The following SPTBN1 variants were observed in gnomAD, a reference collection of about 807,000 sequenced individuals.
SPTBN1 encodes spectrin beta, non-erythrocytic 1.
Under a neutral mutation model 266.4 loss-of-function variants are expected in SPTBN1, and 32 were observed. The observed-to-expected ratio is 0.12, with a 90% CI of 0.09 to 0.16. The LOEUF is 0.16. SPTBN1 is among the 10% of genes least tolerant of loss of function. The probability of loss-of-function intolerance (pLI) is 1.00; values close to 1 mark genes in which losing one functional copy is unlikely to be tolerated. For synonymous variants in SPTBN1, 1,336 were observed against 1,162.2 expected, an observed-to-expected ratio of 1.15 and a Z score of -3.04; for missense variants, 2,296 against 3,067.1, an observed-to-expected ratio of 0.75 and a Z score of 5.94.
intron 17 of SPTBN1, among the ~76,000 whole-genome samples, chr2:54,633,808 G>A (rs1678928476): frequency 1.3e-5 from 2 of 152,166 alleles, no homozygotes; most frequent in African/African-American, 4.8e-5. Flanking sequence ...TAAGATGGGT[G>A]GAGAGGGGAT....
chr2:54,631,546 C>G lies in SPTBN1; in HGVS notation c.3499C>G (p.Gln1167Glu), dbSNP rs1417498335. ...GGAGAACAGACAAAATCTCCTATCC[C>G]AGTCACATGCCTACCAGCAGTTCCT... ...MWENRQNLLSQSHAYQQFLRD... is the reference protein window; with the variant it reads ...MWENRQNLLSESHAYQQFLRD... Residue 1167 changes from glutamine (Q) to glutamate (E), a missense_variant, in exon 16 of 36, where the codon CAG (glutamine) becomes GAG (glutamate). Coordinates refer to ENST00000356805, the MANE Select transcript of SPTBN1 (RefSeq NM_003128.3). 1.9e-6 allele frequency: 3 copies of G among 1,614,046 alleles called. No individual in the cohort carries two copies. In the South Asian group the frequency reaches 3.3e-5, roughly 18 times the overall value.
chr2:54,487,832 C>CTTTTTTT lies in SPTBN1; in HGVS notation c.-48+31323_-48+31329dup, dbSNP rs70944169. 7.5e-3 allele frequency among the ~76,000 whole-genome samples: 516 copies of CTTTTTTT among 68,594 alleles called. 87 individuals are homozygous for CTTTTTTT. The highest frequency in any genetic ancestry group is 0.026 in the African/African-American group (469 of 18,108). The allele number at this position is 68,594 out of a possible 152,430, so 45.0% of individuals were successfully genotyped here. A position where few individuals can be genotyped will look rare whatever the true frequency, so the allele number is the denominator to read the frequency against. ...TTCACTTGATGGTCTCCTCCTGTGT[C>CTTTTTTT]TTTTTTTTTTTTTTTGAGACGGAGT... On this transcript the variant is annotated intron_variant, in intron 1 of 35. Coordinates refer to ENST00000356805, the MANE Select transcript of SPTBN1 (RefSeq NM_003128.3).
chr2:54,571,914 T>C (rs1674111439), intron 2 of SPTBN1, among the ~76,000 whole-genome samples: 1 of 152,208 alleles, frequency 6.6e-6, no homozygotes, highest in Non-Finnish European at 1.5e-5. Context: ...GAAAATAATT[T>C]TGTCCATGAT....
Position 54,540,532 on chromosome 2 carries a change from T to G in SPTBN1, c.148+13966T>G, listed in dbSNP as rs780610937. Reference sequence around the variant, plus strand: ...AAAAGAACTAAAGCTAAAGATTTCTTTAGTTTTCTCTTCCTTCCTTAGGTC... The same window carrying G: ...AAAAGAACTAAAGCTAAAGATTTCTGTAGTTTTCTCTTCCTTCCTTAGGTC... On this transcript the variant is annotated intron_variant, in intron 2 of 35. Coordinates refer to ENST00000356805, the MANE Select transcript of SPTBN1 (RefSeq NM_003128.3). This position sits in a 1 kb window ranked among gnomAD's most constrained non-coding sequence, Gnocchi z 5.6. The G allele has an allele frequency of 6.6e-6, 1 of 152,206 alleles. No homozygotes were observed. The highest frequency in any genetic ancestry group is 1.5e-5 in the Non-Finnish European group (1 of 68,034). The allele number at this position is 152,206 out of a possible 1,614,324, so 9.4% of individuals were successfully genotyped here.
At chr2:54,632,441 G>C in intron 16 of SPTBN1, 125 bp from the exon 17 acceptor site, 5 of 1,041,118 alleles carry the variant, frequency 4.8e-6, no homozygotes, top group Middle Eastern at 5.3e-4. Context: ...AATTTGATGT[G>C]ATTTAATTAT....
intron 2 of SPTBN1, among the ~76,000 whole-genome samples, chr2:54,597,369 C>G (rs1476874409): frequency 1.3e-5 from 2 of 152,176 alleles, no homozygotes; most frequent in African/African-American, 4.8e-5. Flanking sequence ...TTCTGTGGGA[C>G]CTGTCATGAT....
intron 2 of SPTBN1, among the ~76,000 whole-genome samples, chr2:54,595,102 G>A (rs966723707): frequency 2.0e-5 from 3 of 152,128 alleles, no homozygotes; most frequent in African/African-American, 2.4e-5. Context: ...AAAGTGCTGG[G>A]ATTACAGGCA....
At chr2:54,615,695 A>G (rs942412098) in intron 4 of SPTBN1, among the ~76,000 whole-genome samples, 5 of 152,192 alleles carry the variant, frequency 3.3e-5, no homozygotes, top group African/African-American at 1.2e-4. Flanking sequence ...GGCTTTGTGT[A>G]TAATGTTGCA....
At chr2:54,463,498 A>G (rs1296674517) in intron 1 of SPTBN1, among the ~76,000 whole-genome samples, 1 of 152,158 alleles carries the variant, frequency 6.6e-6, no homozygotes, top group Non-Finnish European at 1.5e-5. Flanking sequence ...GGCTCTTTAC[A>G]CAACCCACCC....
intron 1 of SPTBN1, among the ~76,000 whole-genome samples, chr2:54,487,691 G>C (rs1181728337): frequency 6.6e-6 from 1 of 150,654 alleles, no homozygotes; most frequent in Non-Finnish European, 1.5e-5. Flanking sequence ...ATGAATAAAT[G>C]AATCAGTGAA....
chr2:54,531,777 C>G (rs1212963496), intron 2 of SPTBN1, among the ~76,000 whole-genome samples: 1 of 151,904 alleles, frequency 6.6e-6, no homozygotes, highest in African/African-American at 2.4e-5. Flanking sequence ...CGTCACTCAT[C>G]GCCACCCCCA....
At position 54,490,079 on chromosome 2, in the gene SPTBN1, A is replaced by AT. The variant is rs11326998; in HGVS notation, c.-48+33578dup. 8.0e-4 allele frequency among the ~76,000 whole-genome samples: 109 copies of AT among 135,470 alleles called. 1 individual carries two copies. The highest frequency in any genetic ancestry group is 3.7e-3 in the Middle Eastern group (1 of 270). 88.9% of individuals were successfully genotyped at this position (135,470 alleles called of 152,430 possible). ...CAGAGAATGGAAAACAAGTTTATGA[A>AT]TTTTTTTTTTTTTTTTTGTGAGGCG... On this transcript the variant is annotated intron_variant, in intron 1 of 35. Transcript: ENST00000356805.
In SPTBN1 at chr2:54,531,184, G is replaced by C. The variant is rs185927659; in HGVS notation, c.148+4618G>C. Among the ~76,000 whole-genome samples, 824 of 152,306 alleles carry C rather than the reference G, an allele frequency of 5.4e-3. 2 individuals carry two copies. Among genetic ancestry groups the C allele is most frequent in the Non-Finnish European group, 8.3e-3 (567 of 68,026 alleles). ...TGTTCTAGCATATTATTGAACCTGAGGGGGTTCTTGGGAACCCCTGAATTT... is the reference window on the plus strand; with the variant it reads ...TGTTCTAGCATATTATTGAACCTGACGGGGTTCTTGGGAACCCCTGAATTT... On this transcript the variant is annotated intron_variant, in intron 2 of 35. Coordinates refer to ENST00000356805, the MANE Select transcript of SPTBN1 (RefSeq NM_003128.3).
intron 1 of SPTBN1, among the ~76,000 whole-genome samples, chr2:54,491,843 C>G (rs375976153): frequency 6.6e-6 from 1 of 152,166 alleles, no homozygotes; most frequent in Non-Finnish European, 1.5e-5. Context: ...TCAGGCAGTC[C>G]TCCACCTTGC....
At chr2:54,622,830 A>G (rs1446133055) in intron 9 of SPTBN1, among the ~76,000 whole-genome samples, 1 of 152,236 alleles carries the variant, frequency 6.6e-6, no homozygotes, top group Non-Finnish European at 1.5e-5. Context: ...TATGTTGTAT[A>G]TTATAAGACC....
intron 1 of SPTBN1, among the ~76,000 whole-genome samples, chr2:54,497,533 A>T (rs886904661): frequency 1.3e-5 from 2 of 152,328 alleles, no homozygotes; most frequent in Non-Finnish European, 2.9e-5. Context: ...ATTTGAATTC[A>T]CATGTTACTG....
intron 3 of SPTBN1, among the ~76,000 whole-genome samples, chr2:54,604,362 C>G (rs953639632): frequency 1.5e-4 from 22 of 151,222 alleles, no homozygotes; most frequent in African/African-American, 5.1e-4. Flanking sequence ...TTTTTTCTTT[C>G]TTTCTTTCTT....
chr2:54,633,529 G>A (rs144130026), intron 17 of SPTBN1, among the ~76,000 whole-genome samples: 2 of 152,060 alleles, frequency 1.3e-5, no homozygotes, highest in African/African-American at 2.4e-5. Flanking sequence ...CTCTTGCCTT[G>A]CCCCGGTTAC....
chr2:54,541,541 T>C lies in SPTBN1; in HGVS notation c.148+14975T>C, dbSNP rs147575433. On this transcript the variant is annotated intron_variant, in intron 2 of 35. Transcript: ENST00000356805. ...TGCATTCATTTAATCAGTCGTAATC[T>C]TCAGGCATGCCCACATGTGGATTTT... Among the ~76,000 whole-genome samples the C allele has an allele frequency of 8.7e-4, 133 of 152,364 alleles. 1 individual carries two copies. Among genetic ancestry groups the C allele is most frequent in the Middle Eastern group, 6.8e-3 (2 of 294 alleles).
Sources: allele counts gnomAD v4.1 joint callset (sites outside exome capture counted in the v4.1 genomes callset), GRCh38; gene constraint gnomAD v4.1.1; non-coding constraint Gnocchi (gnomAD v3.1); transcripts MANE v1.5; gene names NCBI Gene and HGNC (gene_info 2026-07-23, HGNC 2026-07-21).